UQCC1: variants seen among roughly 807,000 people sequenced by gnomAD.
The protein encoded by UQCC1 is ubiquinol-cytochrome c reductase complex assembly factor 1.
In UQCC1, 38 loss-of-function variants were observed where a neutral mutation model predicts 48.0. The observed-to-expected ratio is 0.79, with a 90% CI of 0.61 to 1.04. UQCC1 has a LOEUF of 1.04. UQCC1 is among the 50% of genes least tolerant of loss of function. The pLI, the probability that UQCC1 is intolerant of heterozygous loss-of-function variation, is 0.00. For synonymous variants in UQCC1, 111 were observed against 129.2 expected (o/e 0.86, Z 0.95); for missense variants, 368 against 381.8 (o/e 0.96, Z 0.30).
intron 3 of UQCC1, 118 bp from the exon 4 acceptor site, chr20:35,382,143 C>G: frequency 1.7e-6 from 1 of 585,360 alleles, no homozygotes; most frequent in South Asian, 2.0e-5. Context: ...GTCTCCTCCC[C>G]TCACCCAGGC....
chr20:35,329,764 A>T (rs951379387), intron 7 of UQCC1, among the ~76,000 whole-genome samples: 2 of 152,218 alleles, frequency 1.3e-5, no homozygotes, highest in Non-Finnish European at 2.9e-5. Flanking sequence ...TTAAGCCCAC[A>T]GGAGAAAAGA....
chr20:35,379,450 TTCACA>T (rs1356495850), intron 4 of UQCC1, among the ~76,000 whole-genome samples: 1 of 152,258 alleles, frequency 6.6e-6, no homozygotes, highest in Non-Finnish European at 1.5e-5. Context: ...CACATACATT[TTCACA>T]TCTCAATTAC....
chr20:35,341,215 C>T (rs1162398403), intron 7 of UQCC1, among the ~76,000 whole-genome samples: 10 of 77,768 alleles, frequency 1.3e-4, no homozygotes, highest in Non-Finnish European at 2.5e-5. Flanking sequence ...AGAGAGACTC[C>T]GTCAAAAAAA....
At chr20:35,405,064 T>C (rs1017139765) in intron 1 of UQCC1, among the ~76,000 whole-genome samples, 3 of 152,136 alleles carry the variant, frequency 2.0e-5, no homozygotes, top group African/African-American at 7.2e-5. Context: ...GTGGTTGACC[T>C]TGAGGTTCTG....
intron 7 of UQCC1, among the ~76,000 whole-genome samples, chr20:35,321,727 T>C (rs2061132847): frequency 6.6e-6 from 1 of 152,216 alleles, no homozygotes; most frequent in Non-Finnish European, 1.5e-5. Context: ...CTTTCTTATT[T>C]ATTTTGAAAA....
chr20:35,370,175 G>C (rs2061714337), intron 5 of UQCC1, among the ~76,000 whole-genome samples: 1 of 151,522 alleles, frequency 6.6e-6, no homozygotes, highest in Non-Finnish European at 1.5e-5. Flanking sequence ...AGTGAGCAAT[G>C]ACCACTTTAA....
At chr20:35,327,234 A>G (rs986405886) in intron 7 of UQCC1, among the ~76,000 whole-genome samples, 1 of 152,214 alleles carries the variant, frequency 6.6e-6, no homozygotes, top group African/African-American at 2.4e-5. Context: ...CCTGGGCACA[A>G]TGGGTCAGAC....
intron 7 of UQCC1, among the ~76,000 whole-genome samples, chr20:35,333,662 C>A (rs560603343): frequency 5.0e-4 from 76 of 152,188 alleles, no homozygotes; most frequent in African/African-American, 1.8e-3. Context: ...TCTCCAGAGT[C>A]CTGCTGCCCC....
At chr20:35,322,311 C>G (rs1157538741) in intron 7 of UQCC1, among the ~76,000 whole-genome samples, 2 of 151,980 alleles carry the variant, frequency 1.3e-5, no homozygotes, top group Non-Finnish European at 2.9e-5. Flanking sequence ...AATGATTACA[C>G]AATGCATTTA....
chr20:35,410,704 C>CAAAAAAAAAA lies in UQCC1; in HGVS notation c.24+1226_24+1235dup, dbSNP rs1183843739. Reference sequence around the variant, plus strand: ...TCGGCGACAGAGCAAGACTCTGCCTCAAAAAAAAAAAAAAAAAAAACAAAA... The same window carrying CAAAAAAAAAA: ...TCGGCGACAGAGCAAGACTCTGCCTCAAAAAAAAAAAAAAAAAAAAAAAAAAAAAACAAAA... On this transcript the variant is annotated intron_variant, in intron 1 of 9. Coordinates refer to ENST00000374385, the MANE Select transcript of UQCC1 (RefSeq NM_018244.5). 7.8e-3 allele frequency among the ~76,000 whole-genome samples: 21 copies of CAAAAAAAAAA among 2,706 alleles called. 4 individuals are homozygous for CAAAAAAAAAA. Among genetic ancestry groups the CAAAAAAAAAA allele is most frequent in the South Asian group, 0.029 (1 of 34 alleles). The allele number at this position is 2,706 out of a possible 152,430, so 1.8% of individuals were successfully genotyped here.
At chr20:35,314,796 TGAAA>T in intron 7 of UQCC1, 31 bp from the exon 8 acceptor site, 7 of 1,562,076 alleles carry the variant, frequency 4.5e-6, no homozygotes, top group South Asian at 2.3e-5. Flanking sequence ...AACAAAAGTT[TGAAA>T]GAAAGAAAGA....
intron 7 of UQCC1, among the ~76,000 whole-genome samples, chr20:35,340,685 T>G (rs2061367464): frequency 6.6e-6 from 1 of 152,212 alleles, no homozygotes; most frequent in Non-Finnish European, 1.5e-5. Flanking sequence ...CTCCCTACAT[T>G]GTCCAGGCTA....
chr20:35,337,833 C>T (rs1275418423), intron 7 of UQCC1, among the ~76,000 whole-genome samples: 2 of 152,026 alleles, frequency 1.3e-5, no homozygotes, highest in African/African-American at 4.8e-5. Context: ...ACATGTTGGC[C>T]CCATTTTAAT....
chr20:35,355,495 A>T (rs1277524066), intron 6 of UQCC1, among the ~76,000 whole-genome samples: 4 of 152,322 alleles, frequency 2.6e-5, no homozygotes, highest in African/African-American at 4.8e-5. Flanking sequence ...GTTGTGAAGG[A>T]CTTTTTTGTT....
rs60488465 is a variant in UQCC1, at chr20:35,321,283, T to TGC, written c.574-6520_574-6519dup. Among the ~76,000 whole-genome samples, 51 of 141,592 alleles carry TGC rather than the reference T, an allele frequency of 3.6e-4. 1 individual carries two copies. Among genetic ancestry groups the TGC allele is most frequent in the South Asian group, 6.5e-4 (3 of 4,594 alleles). 92.9% of individuals were successfully genotyped at this position (141,592 alleles called of 152,430 possible). A position where few individuals can be genotyped will look rare whatever the true frequency, so the allele number is the denominator to read the frequency against. On this transcript the variant is annotated intron_variant, in intron 7 of 9. Coordinates refer to ENST00000374385, the MANE Select transcript of UQCC1 (RefSeq NM_018244.5). ...GTGTGTGTGTGTGTGTGTGTGTGTG[T>TGC]GCGCGCGCGCGCGCGCACGCTCAGG...
intron 1 of UQCC1, among the ~76,000 whole-genome samples, chr20:35,404,117 C>G (rs559672668): frequency 2.0e-5 from 3 of 152,216 alleles, no homozygotes; most frequent in African/African-American, 7.2e-5. Context: ...CGCAGTGGCT[C>G]ACGCTTGTAA....
rs372703012 is a variant in UQCC1, at chr20:35,381,899, A to G, written c.333+19T>C. Reference sequence around the variant, plus strand: ...ACAATGCCCAAAAGGAAAAATGAGAAGAACTTAAAGGACTTTACCCATTTA... The same window carrying G: ...ACAATGCCCAAAAGGAAAAATGAGAGGAACTTAAAGGACTTTACCCATTTA... On this transcript the variant is annotated intron_variant, in intron 4 of 9. Coordinates refer to ENST00000374385, the MANE Select transcript of UQCC1 (RefSeq NM_018244.5). 10 of 1,412,348 alleles carry G rather than the reference A, an allele frequency of 7.1e-6. No homozygotes were observed. The highest frequency in any genetic ancestry group is 2.3e-5 in the East Asian group (1 of 43,882). The allele number at this position is 1,412,348 out of a possible 1,614,324, so 87.5% of individuals were successfully genotyped here.
At position 35,347,263 on chromosome 20, in the gene UQCC1, T is replaced by C. The variant is rs1261939543; in HGVS notation, c.474A>G (p.Leu158=). 2 of 1,614,130 alleles carry C rather than the reference T, an allele frequency of 1.2e-6. No homozygotes were observed. Among genetic ancestry groups the C allele is most frequent in the East Asian group, 4.5e-5 (2 of 44,882 alleles). ...LITLLHVWMC[L]VRMKQEGRSG... ...TCCGGCCTTCCTGCTTCATTCGGAC[T>C]AGACACATCCTGGGTGGGAAGAAGA... Residue 158 remains leucine, a synonymous_variant, in exon 7 of 10, where the codon CTA becomes CTG. Coordinates refer to ENST00000374385, the MANE Select transcript of UQCC1 (RefSeq NM_018244.5).
Position 35,369,357 on chromosome 20 carries a change from T to C in UQCC1, c.407-2743A>G, listed in dbSNP as rs2061704100. Among the ~76,000 whole-genome samples, 8 of 152,374 alleles carry C rather than the reference T, an allele frequency of 5.3e-5. No homozygotes were observed. In the South Asian group the frequency reaches 1.7e-3, roughly 32 times the overall value. On this transcript the variant is annotated intron_variant, in intron 5 of 9. Coordinates refer to ENST00000374385, the MANE Select transcript of UQCC1 (RefSeq NM_018244.5). ...AACTATGCAAAAATACAGCAGATTC[T>C]TTAGTTCAATGAAATGCATTTAAAC... is the stretch of plus-strand genomic sequence containing the variant.
Sources: gnomAD v4.1 joint callset for allele counts (sites outside exome capture counted in the v4.1 genomes callset) on GRCh38, gnomAD v4.1.1 for gene constraint, MANE v1.5 for transcripts, NCBI Gene and HGNC (gene_info 2026-07-23, HGNC 2026-07-21) for gene names.